CCDC32: variants seen among roughly 807,000 people sequenced by gnomAD.
CCDC32 encodes coiled-coil domain containing 32, also known as coiled-coil domain-containing protein 32.
CCDC32 carries 9 observed loss-of-function variants against 20.1 expected under a neutral mutation model. The ratio of observed to expected loss-of-function variants is 0.45; its 90% CI spans 0.27 to 0.78. The LOEUF (loss-of-function observed/expected upper bound fraction) is 0.78, where lower values mean the gene tolerates loss of function less well. CCDC32 is among the 30% of genes least tolerant of loss of function. CCDC32 has a pLI of 0.16. For synonymous variants in CCDC32, 63 were observed against 79.0 expected (o/e 0.80, Z 1.07); for missense variants, 204 against 215.5 (o/e 0.95, Z 0.33).
At chr15:40,528,546 T>A, downstream of CCDC32, 1 of 546,414 alleles carries the variant, frequency 1.8e-6, no homozygotes, top group Non-Finnish European at 3.2e-6. Context: ...CTTGTCCTGG[T>A]TGGGCATGAG....
the CCDC32 span, among the ~76,000 whole-genome samples, chr15:40,522,444 C>G: frequency 6.6e-6 from 1 of 152,096 alleles, no homozygotes. Flanking sequence ...TTCTGGATTC[C>G]TGGAATTTCT....
the CCDC32 span, among the ~76,000 whole-genome samples, chr15:40,522,010 C>G: frequency 1.3e-5 from 2 of 151,936 alleles, no homozygotes; most frequent in African/African-American, 4.8e-5. Flanking sequence ...TGTGCTTTGG[C>G]CCATACCAAG....
chr15:40,564,798 C>A, intron 1 of CCDC32, 178 bp downstream of exon 1: 3 of 1,614,156 alleles, frequency 1.9e-6, no homozygotes, highest in Non-Finnish European at 2.5e-6. Context: ...TACCCCAGGG[C>A]AGGGCGTCCA....
At chr15:40,530,583 G>C (rs553195778), downstream of CCDC32, among the ~76,000 whole-genome samples, 1 of 150,610 alleles carries the variant, frequency 6.6e-6, no homozygotes, top group East Asian at 1.9e-4. Flanking sequence ...CACTAGGTCC[G>C]CTTTGCCTTC....
At chr15:40,564,640 G>T in intron 1 of CCDC32, 1 of 1,333,392 alleles carries the variant, frequency 7.5e-7, no homozygotes, top group Non-Finnish European at 1.1e-6. Flanking sequence ...AGCCCAGCCA[G>T]CGTAAAGGCC....
intron 3 of CCDC32, among the ~76,000 whole-genome samples, chr15:40,542,145 C>T (rs1426963209): frequency 6.6e-6 from 1 of 152,242 alleles, no homozygotes; most frequent in Non-Finnish European, 1.5e-5. Flanking sequence ...CATCTGCTGA[C>T]ACACCTCCAG....
downstream of CCDC32, among the ~76,000 whole-genome samples, chr15:40,530,530 C>CCTCTCT (rs3067991): frequency 9.6e-5 from 14 of 145,640 alleles, no homozygotes; most frequent in South Asian, 2.3e-4. Flanking sequence ...CCTGGCACCT[C>CCTCTCT]CTCTCTCTCT....
intron 2 of CCDC32, 120 bp from the exon 3 acceptor site, chr15:40,557,492 G>T: frequency 1.1e-6 from 1 of 940,976 alleles, no homozygotes; most frequent in Non-Finnish European, 1.5e-6. Flanking sequence ...CACACTCCCT[G>T]CCAAAGAGGT....
downstream of CCDC32, among the ~76,000 whole-genome samples, chr15:40,551,446 G>A (rs1163658285): frequency 1.3e-5 from 2 of 152,028 alleles, no homozygotes; most frequent in Non-Finnish European, 2.9e-5. Context: ...CCTGGCATCT[G>A]AACTCCAGGT....
intron 2 of CCDC32, among the ~76,000 whole-genome samples, chr15:40,559,884 C>T (rs1890502966): frequency 6.6e-6 from 1 of 152,080 alleles, no homozygotes; most frequent in Non-Finnish European, 1.5e-5. Context: ...GGCTAGCCAC[C>T]TGTAGAAGAA....
At chr15:40,539,573 CAG>C (rs2141608788) in intron 3 of CCDC32, among the ~76,000 whole-genome samples, 1 of 152,210 alleles carries the variant, frequency 6.6e-6, no homozygotes, top group African/African-American at 2.4e-5. Context: ...AACGGAGGCA[CAG>C]GGGACACGGG....
At chr15:40,526,564 G>A (rs2141593723), downstream of CCDC32, among the ~76,000 whole-genome samples, 1 of 152,212 alleles carries the variant, frequency 6.6e-6, no homozygotes, top group East Asian at 1.9e-4. Flanking sequence ...ATATGACCTT[G>A]TACACATTTG....
intron 2 of CCDC32, among the ~76,000 whole-genome samples, chr15:40,560,023 A>ATTTTTATTTTTTTTTT: frequency 6.6e-6 from 1 of 152,128 alleles, no homozygotes; most frequent in East Asian, 1.9e-4. Context: ...GGCAATTTTT[A>ATTTTTATTTTTTTTTT]TTTTGAGATG....
At chr15:40,539,426 A>G (rs1889279821) in intron 3 of CCDC32, 1 of 1,311,582 alleles carries the variant, frequency 7.6e-7, no homozygotes, top group Non-Finnish European at 1.1e-6. Flanking sequence ...ACACTAACAG[A>G]GTCAAAGAGA....
chr15:40,535,009 G>A (rs957520564), downstream of CCDC32: 20 of 704,962 alleles, frequency 2.8e-5, 1 homozygote, highest in Admixed American at 2.2e-4. Flanking sequence ...CCGAGCCCAT[G>A]CCTGCCGTGA....
downstream of CCDC32, among the ~76,000 whole-genome samples, chr15:40,550,987 C>T (rs1223980652): frequency 6.6e-6 from 1 of 152,156 alleles, no homozygotes; most frequent in Admixed American, 6.6e-5. Context: ...TGTTTTGGGA[C>T]CTCATTGCTT....
intron 3 of CCDC32, 186 bp downstream of exon 3, chr15:40,557,030 T>C (rs894426109): frequency 1.7e-6 from 1 of 576,072 alleles, no homozygotes; most frequent in Middle Eastern, 4.7e-4. Context: ...CTCAAGTTCA[T>C]TGCATACTTA....
chr15:40,531,280 A>G (rs933804454), downstream of CCDC32: 2 of 151,268 alleles, frequency 1.3e-5, no homozygotes, highest in Non-Finnish European at 3.0e-5. Flanking sequence ...TAATATATCT[A>G]TGTAACAAAA....
chr15:40,554,509 C>T (rs1890106497), intron 3 of CCDC32, among the ~76,000 whole-genome samples: 1 of 152,120 alleles, frequency 6.6e-6, no homozygotes, highest in Non-Finnish European at 1.5e-5. Flanking sequence ...CAAATAAATA[C>T]CAAATTATTA....
Sources: allele counts gnomAD v4.1 joint callset (sites outside exome capture counted in the v4.1 genomes callset), GRCh38; gene constraint gnomAD v4.1.1; transcripts MANE v1.5; gene names NCBI Gene and HGNC (gene_info 2026-07-23, HGNC 2026-07-21).